The following RRH variants were observed in gnomAD, a reference collection of about 807,000 sequenced individuals.
RRH encodes the protein retinal pigment epithelium-derived rhodopsin homolog, also known as visual pigment-like receptor peropsin.
A neutral mutation model predicts 33.1 loss-of-function variants in RRH; 36 were observed. The ratio of observed to expected loss-of-function variants is 1.09; its 90% CI spans 0.83 to 1.44. The LOEUF (loss-of-function observed/expected upper bound fraction) is 1.44, where lower values mean the gene tolerates loss of function less well. Among genes scored for constraint, RRH ranks in the 40% most tolerant of loss-of-function variants. The probability of loss-of-function intolerance (pLI) is 0.00; values close to 1 mark genes in which losing one functional copy is unlikely to be tolerated. For synonymous variants in RRH, 124 were observed against 140.2 expected (o/e 0.88, Z 0.82); for missense variants, 393 against 420.2 (o/e 0.94, Z 0.57).
At chr4:109,840,722 TC>T (rs1425610387) in intron 5 of RRH, among the ~76,000 whole-genome samples, 5 of 152,012 alleles carry the variant, frequency 3.3e-5, no homozygotes, top group African/African-American at 9.7e-5. Flanking sequence ...TATTTTTGTT[TC>T]CCCTGAGTTC....
Position 109,833,813 on chromosome 4 carries a change from A to G in RRH, c.297+484A>G, listed in dbSNP as rs550286039. 6.7e-5 allele frequency among the ~76,000 whole-genome samples: 10 copies of G among 149,226 alleles called. No individual in the cohort carries two copies. In the South Asian group the frequency reaches 2.2e-3, roughly 32 times the overall value. ...TGAGTTAATATTAATTTGCCTTAAG[A>G]CAGTAAGCAAATATTACTTTTAGGC... On this transcript the variant is annotated intron_variant, in intron 2 of 6. Transcript: ENST00000317735.
At position 109,844,241 on chromosome 4, in the gene RRH, A is replaced by G. The variant is rs768596594; in HGVS notation, c.*44A>G. On this transcript the variant is annotated 3_prime_UTR_variant, in exon 7 of 7. Coordinates refer to ENST00000317735, the MANE Select transcript of RRH (RefSeq NM_006583.5). ...ACTATCAAAACACTTTAGTTTTTTG[A>G]CAATGCTTTTCTTTTAAATATGAGC... is the stretch of plus-strand genomic sequence containing the variant. 8.0e-7 allele frequency: 1 copy of G among 1,249,158 alleles called. No homozygotes were observed. Among genetic ancestry groups the G allele is most frequent in the Admixed American group, 1.7e-5 (1 of 59,264 alleles). The allele number at this position is 1,249,158 out of a possible 1,614,324, so 77.4% of individuals were successfully genotyped here.
intron 4 of RRH, 84 bp downstream of exon 4, chr4:109,836,244 T>G (rs1349459982): frequency 1.2e-5 from 17 of 1,435,868 alleles, no homozygotes; most frequent in Non-Finnish European, 1.6e-5. Context: ...TCAGATCATG[T>G]GTTCCTCATA....
chr4:109,834,472 G>A (rs893423527), intron 2 of RRH, among the ~76,000 whole-genome samples: 3 of 149,982 alleles, frequency 2.0e-5, no homozygotes, highest in Non-Finnish European at 4.4e-5. Flanking sequence ...TGGGACTACA[G>A]GTGCCTGCCA....
At chr4:109,828,309 T>C (rs1243359344) in intron 1 of RRH, among the ~76,000 whole-genome samples, 176 bp downstream of exon 1, 1 of 152,116 alleles carries the variant, frequency 6.6e-6, no homozygotes, top group African/African-American at 2.4e-5. Flanking sequence ...ATTTCTGGGC[T>C]GTAAAGATCA....
intron 5 of RRH, among the ~76,000 whole-genome samples, chr4:109,840,195 G>C (rs1393756751): frequency 6.6e-6 from 1 of 150,392 alleles, no homozygotes. Context: ...TTGTGGTTTT[G>C]ATTTGCATTT....
At chr4:109,838,843 G>A (rs1357323358) in intron 5 of RRH, among the ~76,000 whole-genome samples, 1 of 152,108 alleles carries the variant, frequency 6.6e-6, no homozygotes, top group Non-Finnish European at 1.5e-5. Flanking sequence ...TTCTGAAAAT[G>A]TATACTGATG....
Position 109,837,546 on chromosome 4 carries a change from A to G in RRH, c.661A>G (p.Thr221Ala), listed in dbSNP as rs775037183. Residue 221 changes from threonine to alanine, a missense_variant, in exon 5 of 7, where the codon ACC (threonine) becomes GCC (alanine). Physicochemically the swap from Thr to Ala is moderately conservative, Grantham distance 58. Coordinates refer to ENST00000317735, the MANE Select transcript of RRH (RefSeq NM_006583.5). ...CACGCTATCCATTAAACATCACACT[A>G]CCAGTGACTGCACTGAGTCCCTCAA... Reference protein sequence around the residue: ...HVTLSIKHHTTSDCTESLNRD... With the variant: ...HVTLSIKHHTASDCTESLNRD... The G allele has an allele frequency of 3.7e-6, 6 of 1,613,844 alleles. No individual in the cohort carries two copies. In the Admixed American group the frequency reaches 1.0e-4, roughly 27 times the overall value.
intron 1 of RRH, among the ~76,000 whole-genome samples, chr4:109,828,538 A>G (rs1044602876): frequency 3.3e-5 from 5 of 152,028 alleles, no homozygotes; most frequent in African/African-American, 1.2e-4. Flanking sequence ...ACATATTTTT[A>G]TGTCATTTAC....
At chr4:109,841,912 CT>C (rs1733992853) in intron 5 of RRH, among the ~76,000 whole-genome samples, 1 of 152,086 alleles carries the variant, frequency 6.6e-6, no homozygotes, top group African/African-American at 2.4e-5. Context: ...ACAAAATTGT[CT>C]GCATTGTGTG....
At chr4:109,832,637 AAAG>A (rs1473352446) in intron 1 of RRH, among the ~76,000 whole-genome samples, 1 of 152,002 alleles carries the variant, frequency 6.6e-6, no homozygotes, top group Non-Finnish European at 1.5e-5. Context: ...TTCAATGAAA[AAAG>A]AAGATATGGA....
At chr4:109,833,399 G>A (rs1304762098) in intron 2 of RRH, 70 bp downstream of exon 2, 2 of 1,229,306 alleles carry the variant, frequency 1.6e-6, no homozygotes, top group East Asian at 2.5e-5. Context: ...TGTCTAAAAC[G>A]AATCCCAAGA....
At chr4:109,834,534 G>A (rs1480552149) in intron 2 of RRH, among the ~76,000 whole-genome samples, 1 of 145,624 alleles carries the variant, frequency 6.9e-6, no homozygotes, top group Admixed American at 7.0e-5. Context: ...TAGTAATGAC[G>A]GAGTTTCATC....
chr4:109,833,503 A>G (rs1188313097), intron 2 of RRH, among the ~76,000 whole-genome samples, 174 bp downstream of exon 2: 2 of 152,248 alleles, frequency 1.3e-5, no homozygotes, highest in Non-Finnish European at 2.9e-5. Flanking sequence ...GAGAAATTAA[A>G]TCACCAACCA....
intron 6 of RRH, among the ~76,000 whole-genome samples, chr4:109,843,026 A>G (rs1349681289): frequency 6.6e-6 from 1 of 152,226 alleles, no homozygotes; most frequent in Non-Finnish European, 1.5e-5. Context: ...GAGGGATTCT[A>G]TAACTGGAAA....
At chr4:109,841,743 T>C (rs1012505098) in intron 5 of RRH, among the ~76,000 whole-genome samples, 1 of 151,986 alleles carries the variant, frequency 6.6e-6, no homozygotes, top group Non-Finnish European at 1.5e-5. Flanking sequence ...CCAATGGCCA[T>C]TTTTTCCATT....
chr4:109,843,091 A>C (rs1734013711), intron 6 of RRH, among the ~76,000 whole-genome samples: 1 of 152,276 alleles, frequency 6.6e-6, no homozygotes, highest in Non-Finnish European at 1.5e-5. Context: ...TATATTTACA[A>C]GAAATAAGAC....
rs371280522 is a variant in RRH, at chr4:109,831,127, G to T, written c.107-2012G>T. Reference sequence around the variant, plus strand: ...TATTTCTAAGACTCCCAGAATTATAGTTCCTTTATTCTGGTTGCGTACTTG... The same window carrying T: ...TATTTCTAAGACTCCCAGAATTATATTTCCTTTATTCTGGTTGCGTACTTG... On this transcript the variant is annotated intron_variant, in intron 1 of 6. Transcript: ENST00000317735. Among the ~76,000 whole-genome samples, 39 of 152,268 alleles carry T rather than the reference G, an allele frequency of 2.6e-4. 1 individual carries two copies. In the South Asian group the frequency reaches 7.5e-3, roughly 29 times the overall value.
Position 109,837,542 on chromosome 4 carries a change from C to T in RRH, c.657C>T (p.His219=). 3 of 1,613,836 alleles carry T rather than the reference C, an allele frequency of 1.9e-6. No homozygotes were observed. The Admixed American group carries it at 5.0e-5, about 27-fold the overall frequency. ...YYHVTLSIKH[H]TTSDCTESLN... is the part of the protein sequence containing the mutation. ...ATGTCACGCTATCCATTAAACATCA[C>T]ACTACCAGTGACTGCACTGAGTCCC... Residue 219 remains histidine, a synonymous_variant, in exon 5 of 7, where the codon CAC becomes CAT. Coordinates refer to ENST00000317735, the MANE Select transcript of RRH (RefSeq NM_006583.5).
Sources: gnomAD v4.1 joint callset for allele counts (sites outside exome capture counted in the v4.1 genomes callset) on GRCh38, gnomAD v4.1.1 for gene constraint, MANE v1.5 for transcripts, NCBI Gene and HGNC (gene_info 2026-07-23, HGNC 2026-07-21) for gene names.